Variants in NRXN3 observed in about 807,000 individuals in gnomAD.
NRXN3 encodes the protein neurexin III.
A neutral mutation model predicts 137.6 loss-of-function variants in NRXN3; 32 were observed. The observed-to-expected ratio is 0.23, with a 90% CI of 0.18 to 0.31. The LOEUF is 0.31. NRXN3 is among the 10% of genes least tolerant of loss of function. NRXN3 has a pLI of 1.00. For synonymous variants in NRXN3, 798 were observed against 784.5 expected (o/e 1.02, Z -0.29); for missense variants, 1,574 against 2,062.5 (o/e 0.76, Z 4.59).
At chr14:78,381,535 A>G (rs150506091) in intron 4 of NRXN3, among the ~76,000 whole-genome samples, 32 of 152,324 alleles carry the variant, frequency 2.1e-4, no homozygotes, top group African/African-American at 7.2e-4. Context: ...AAAACTAAAC[A>G]TGCAATAACT....
At chr14:79,189,226 C>T (rs1449428403) in intron 15 of NRXN3, among the ~76,000 whole-genome samples, 24 of 152,024 alleles carry the variant, frequency 1.6e-4, no homozygotes, top group African/African-American at 2.9e-4. Flanking sequence ...GATGAGTTCA[C>T]GTCCTTTGTA....
chr14:78,409,665 T>G (rs1167488522), intron 4 of NRXN3, among the ~76,000 whole-genome samples: 1 of 152,210 alleles, frequency 6.6e-6, no homozygotes, highest in Non-Finnish European at 1.5e-5. Context: ...TTCTCAGGTT[T>G]GGTCAAGAGG....
At chr14:78,389,636 A>T (rs1357076077) in intron 4 of NRXN3, among the ~76,000 whole-genome samples, 1 of 152,182 alleles carries the variant, frequency 6.6e-6, no homozygotes, top group Non-Finnish European at 1.5e-5. Flanking sequence ...ATTGATTAAT[A>T]GTATTGTTGC....
At chr14:79,356,874 G>A (rs1195233907) in intron 15 of NRXN3, among the ~76,000 whole-genome samples, 1 of 152,028 alleles carries the variant, frequency 6.6e-6, no homozygotes, top group East Asian at 1.9e-4. Context: ...GACTACAGGT[G>A]GGTGCCACCA....
chr14:78,380,039 A>C (rs1225640552), intron 4 of NRXN3, among the ~76,000 whole-genome samples: 1 of 152,220 alleles, frequency 6.6e-6, no homozygotes, highest in Non-Finnish European at 1.5e-5. Flanking sequence ...AAATGTGCAC[A>C]ACTTGTATGC....
intron 15 of NRXN3, among the ~76,000 whole-genome samples, chr14:79,239,392 G>T (rs2073928151): frequency 1.3e-5 from 2 of 152,044 alleles, no homozygotes; most frequent in African/African-American, 4.8e-5. Context: ...TTTAATTCTG[G>T]ATAAAGGATC....
At chr14:78,705,130 C>A (rs7143785) in intron 6 of NRXN3, among the ~76,000 whole-genome samples, 1 of 151,984 alleles carries the variant, frequency 6.6e-6, no homozygotes, top group African/African-American at 2.4e-5. Flanking sequence ...TGACATCTTC[C>A]CCCATGGGGA....
At chr14:79,074,801 C>T (rs1238376640) in intron 15 of NRXN3, 2 of 152,178 alleles carry the variant, frequency 1.3e-5, no homozygotes, top group African/African-American at 2.4e-5. Context: ...ATATCTGAAG[C>T]ATATCTCATA....
chr14:79,024,067 C>T (rs1297754389), intron 15 of NRXN3, among the ~76,000 whole-genome samples: 3 of 152,068 alleles, frequency 2.0e-5, no homozygotes, highest in Admixed American at 6.6e-5. Context: ...CAAAGTTAAA[C>T]GAGCTGAAGT....
intron 15 of NRXN3, among the ~76,000 whole-genome samples, chr14:79,411,886 A>G (rs1375754640): frequency 6.6e-6 from 1 of 152,182 alleles, no homozygotes; most frequent in East Asian, 1.9e-4. Context: ...TGACAGATAA[A>G]CGGATTTTTC....
At position 79,806,763 on chromosome 14, in the gene NRXN3, T is replaced by C. The variant is rs556901688; in HGVS notation, c.4093+1573T>C. On this transcript the variant is annotated intron_variant, in intron 20 of 20. Transcript: ENST00000335750. ...TTAGCTGTCAGAGAATAGAATAGTTTTGCTATCTAACTCCTCGCGTAATTC... is the reference window on the plus strand; with the variant it reads ...TTAGCTGTCAGAGAATAGAATAGTTCTGCTATCTAACTCCTCGCGTAATTC... 1.3e-3 allele frequency among the ~76,000 whole-genome samples: 203 copies of C among 150,546 alleles called. 1 individual carries two copies. The highest frequency in any genetic ancestry group is 4.7e-3 in the African/African-American group (194 of 41,170).
At chr14:78,651,539 A>G (rs2097743340) in intron 6 of NRXN3, among the ~76,000 whole-genome samples, 2 of 152,204 alleles carry the variant, frequency 1.3e-5, no homozygotes, top group African/African-American at 2.4e-5. Flanking sequence ...GTACTGTATT[A>G]GTCTGTTTGC....
At chr14:78,418,273 G>A (rs1186415227) in intron 4 of NRXN3, among the ~76,000 whole-genome samples, 3 of 152,188 alleles carry the variant, frequency 2.0e-5, no homozygotes, top group African/African-American at 7.2e-5. Context: ...TGGGGCTTTT[G>A]TGTGTTAGAA....
At chr14:79,498,520 G>T in intron 16 of NRXN3, among the ~76,000 whole-genome samples, 1 of 152,166 alleles carries the variant, frequency 6.6e-6, no homozygotes, top group East Asian at 1.9e-4. Context: ...CTTACAGAGT[G>T]ATCCTTGTCT....
chr14:79,266,255 A>G (rs1248500879), intron 15 of NRXN3, among the ~76,000 whole-genome samples: 1 of 152,146 alleles, frequency 6.6e-6, no homozygotes, highest in African/African-American at 2.4e-5. Context: ...TACGTAATAC[A>G]GTCCTTTCTA....
intron 15 of NRXN3, among the ~76,000 whole-genome samples, chr14:79,225,977 C>A (rs950206092): frequency 6.6e-6 from 1 of 152,088 alleles, no homozygotes; most frequent in South Asian, 2.1e-4. Flanking sequence ...TCAGGCCCAC[C>A]CAGATAATCC....
At chr14:78,751,999 A>G (rs1389294100) in intron 8 of NRXN3, among the ~76,000 whole-genome samples, 1 of 152,234 alleles carries the variant, frequency 6.6e-6, no homozygotes, top group East Asian at 1.9e-4. Context: ...ATCACGCCAC[A>G]GGCAGAATTC....
At chr14:79,859,311 G>T (rs2099409545) in intron 20 of NRXN3, among the ~76,000 whole-genome samples, 2 of 152,044 alleles carry the variant, frequency 1.3e-5, no homozygotes, top group South Asian at 4.1e-4. Flanking sequence ...GGCTAAACAG[G>T]GAGAGAATAA....
chr14:78,840,133 A>G (rs761456099), intron 10 of NRXN3, among the ~76,000 whole-genome samples: 12 of 152,184 alleles, frequency 7.9e-5, no homozygotes, highest in Non-Finnish European at 1.8e-4. Context: ...TGAGAGAACT[A>G]TTTGAGTAGT....
Sources: allele counts gnomAD v4.1 joint callset (sites outside exome capture counted in the v4.1 genomes callset), GRCh38; gene constraint gnomAD v4.1.1; transcripts MANE v1.5; gene names NCBI Gene and HGNC (gene_info 2026-07-23, HGNC 2026-07-21).